Variants in CNIH3 observed in about 807,000 individuals in gnomAD.
The protein encoded by CNIH3 is protein cornichon homolog 3.
A neutral mutation model predicts 24.1 loss-of-function variants in CNIH3; 14 were observed. The ratio of observed to expected loss-of-function variants is 0.58; its 90% confidence interval spans 0.38 to 0.91. The LOEUF (loss-of-function observed/expected upper bound fraction) is 0.91, where lower values mean the gene tolerates loss of function less well. Among genes scored for constraint, CNIH3 ranks in the 40% least tolerant of loss-of-function variants. CNIH3 has a pLI of 0.00. For missense variants in CNIH3, 178 were observed against 196.8 expected, an observed-to-expected ratio of 0.90 and a Z score of 0.57; for synonymous variants, 68 against 73.8, an observed-to-expected ratio of 0.92 and a Z score of 0.40.
intron 3 of CNIH3, among the ~76,000 whole-genome samples, chr1:224,594,504 C>T (rs1681895675): frequency 6.6e-6 from 1 of 152,174 alleles, no homozygotes; most frequent in Admixed American, 6.5e-5. Flanking sequence ...AAGTTTATTA[C>T]ACTCACAGGT....
rs58936897 is a variant in CNIH3 at position 224,452,152 on chromosome 1, C to CTT, written n.203+17304_203+17305dup. 2.0e-3 allele frequency among the ~76,000 whole-genome samples: 284 copies of CTT among 142,204 alleles called. 2 individuals carry two copies. Among genetic ancestry groups the CTT allele is most frequent in the East Asian group, 5.8e-3 (28 of 4,796 alleles). 93.3% of individuals were successfully genotyped at this position (142,204 alleles called of 152,430 possible). On this transcript the variant is annotated intron_variant and non_coding_transcript_variant, in intron 1 of 5. Coordinates refer to the CNIH3 transcript ENST00000471578. The stretch of plus-strand genomic sequence containing the variant: ...AGTGAACTATTTCCTTTACCAATGT[C>CTT]TTTTTTTTTTTTTTTAAGATGGAGT...
downstream of CNIH3, among the ~76,000 whole-genome samples, chr1:224,542,168 C>G (rs1410136649): frequency 6.6e-6 from 1 of 152,194 alleles, no homozygotes; most frequent in African/African-American, 2.4e-5. Context: ...ACCATTCCAG[C>G]TTCTATGCAT....
downstream of CNIH3, among the ~76,000 whole-genome samples, chr1:224,538,279 T>C (rs766687706): frequency 2.6e-5 from 4 of 152,116 alleles, no homozygotes; most frequent in African/African-American, 4.8e-5. Context: ...GAAAAGTTTG[T>C]ACCTTCAGCT....
intron 1 of CNIH3, among the ~76,000 whole-genome samples, chr1:224,642,129 T>A (rs1363636244): frequency 6.6e-6 from 1 of 152,248 alleles, no homozygotes; most frequent in Non-Finnish European, 1.5e-5. Context: ...GAAGGATGGG[T>A]ACCACCATAG....
intron 1 of CNIH3, among the ~76,000 whole-genome samples, chr1:224,437,925 T>TC (rs1674731534): frequency 6.6e-6 from 1 of 151,520 alleles, no homozygotes; most frequent in Non-Finnish European, 1.5e-5. Flanking sequence ...ATTTTTTTTT[T>TC]TTTTGGAGAC....
intron 1 of CNIH3, among the ~76,000 whole-genome samples, chr1:224,441,478 C>T (rs1267086515): frequency 2.0e-5 from 3 of 152,154 alleles, no homozygotes; most frequent in Admixed American, 6.6e-5. Context: ...ATTAATAGCC[C>T]CAGGAGTCCC....
chr1:224,436,598 G>A (rs899680121), intron 1 of CNIH3, among the ~76,000 whole-genome samples: 1 of 152,200 alleles, frequency 6.6e-6, no homozygotes, highest in Non-Finnish European at 1.5e-5. Context: ...CACTGCTCGT[G>A]TTAGAATTCT....
At chr1:224,695,219 C>T (rs1346771319) in intron 3 of CNIH3, among the ~76,000 whole-genome samples, 1 of 152,170 alleles carries the variant, frequency 6.6e-6, no homozygotes, top group Non-Finnish European at 1.5e-5. Flanking sequence ...GTGGATTTGG[C>T]CAGCAGTCGG....
At chr1:224,607,561 A>G (rs948456499) in intron 3 of CNIH3, among the ~76,000 whole-genome samples, 1 of 152,216 alleles carries the variant, frequency 6.6e-6, no homozygotes, top group African/African-American at 2.4e-5. Context: ...TTTTTACATA[A>G]GATAAAATAA....
chr1:224,437,436 A>T (rs1453772855), intron 1 of CNIH3, among the ~76,000 whole-genome samples: 1 of 152,214 alleles, frequency 6.6e-6, no homozygotes, highest in Non-Finnish European at 1.5e-5. Context: ...GATGCTGTAG[A>T]ATCAAATATC....
chr1:224,730,416 C>T (rs1318305133), intron 3 of CNIH3, 46 bp from the exon 4 acceptor site: 19 of 1,252,234 alleles, frequency 1.5e-5, no homozygotes, highest in Non-Finnish European at 2.1e-5. Flanking sequence ...GCAGGAGTGG[C>T]GTTTTCCTCC....
intron 1 of CNIH3, among the ~76,000 whole-genome samples, chr1:224,471,587 TTC>T (rs1011163816): frequency 2.0e-5 from 3 of 151,370 alleles, no homozygotes; most frequent in African/African-American, 7.3e-5. Context: ...CAGAATCTCA[TTC>T]TCTCTTTTTT....
At chr1:224,691,341 C>T (rs953698647) in intron 3 of CNIH3, among the ~76,000 whole-genome samples, 2 of 152,244 alleles carry the variant, frequency 1.3e-5, no homozygotes, top group Non-Finnish European at 2.9e-5. Context: ...GTTCCTCCTC[C>T]TATAAGCAGA....
At chr1:224,681,583 C>G (rs1377747585) in intron 2 of CNIH3, among the ~76,000 whole-genome samples, 1 of 152,154 alleles carries the variant, frequency 6.6e-6, no homozygotes, top group African/African-American at 2.4e-5. Context: ...TGAAAGGTCA[C>G]CTGCCCCAGC....
intron 1 of CNIH3, among the ~76,000 whole-genome samples, chr1:224,441,288 A>G (rs1674902811): frequency 6.6e-6 from 1 of 152,230 alleles, no homozygotes. Context: ...CAATGTTATT[A>G]AGTATATTTG....
chr1:224,733,504 G>A (rs1304849138), intron 4 of CNIH3, among the ~76,000 whole-genome samples: 2 of 152,332 alleles, frequency 1.3e-5, no homozygotes, highest in African/African-American at 2.4e-5. Flanking sequence ...CACAGTGTCA[G>A]TGACAGATAA....
chr1:224,661,254 T>G (rs1200900680), intron 1 of CNIH3: 1 of 305,592 alleles, frequency 3.3e-6, no homozygotes, highest in Non-Finnish European at 6.7e-6. Context: ...CTTCTGCTCT[T>G]TCTTGACCAT....
chr1:224,488,600 G>A (rs1677123995), intron 1 of CNIH3, among the ~76,000 whole-genome samples: 1 of 152,076 alleles, frequency 6.6e-6, no homozygotes, highest in African/African-American at 2.4e-5. Flanking sequence ...AGGACTGCAA[G>A]AACTACAGAC....
At chr1:224,694,945 G>C (rs1057358128) in intron 3 of CNIH3, among the ~76,000 whole-genome samples, 2 of 152,108 alleles carry the variant, frequency 1.3e-5, no homozygotes, top group African/African-American at 4.8e-5. Flanking sequence ...GGGGAAAGGT[G>C]GGAGGGGGTG....
Sources: gnomAD v4.1 joint callset for allele counts (sites outside exome capture counted in the v4.1 genomes callset) on GRCh38, gnomAD v4.1.1 for gene constraint, MANE v1.5 for transcripts, NCBI Gene and HGNC (gene_info 2026-07-23, HGNC 2026-07-21) for gene names.